CYP24A1: variants seen among roughly 807,000 people sequenced by gnomAD.
CYP24A1 encodes cytochrome P450 family 24 subfamily A member 1, also known as 1,25-dihydroxyvitamin D(3) 24-hydroxylase, mitochondrial.
CYP24A1 carries 68 observed loss-of-function variants against 62.4 expected under a neutral mutation model. The ratio of observed to expected loss-of-function variants is 1.09; its 90% CI spans 0.90 to 1.33. The LOEUF (loss-of-function observed/expected upper bound fraction) is 1.33, where lower values mean the gene tolerates loss of function less well. Among genes scored for constraint, CYP24A1 ranks in the 40% most tolerant of loss-of-function variants. The pLI is 0.00. For synonymous variants in CYP24A1, 267 were observed against 253.0 expected (o/e 1.06, Z -0.52); for missense variants, 787 against 653.0 (o/e 1.21, Z -2.24).
At chr20:54,169,223 C>T (rs1427107263) in intron 4 of CYP24A1, among the ~76,000 whole-genome samples, 2 of 152,074 alleles carry the variant, frequency 1.3e-5, no homozygotes. Context: ...TTCTTAACTC[C>T]CTTTCTCTTT....
chr20:54,172,919 G>T lies in CYP24A1; in HGVS notation c.439C>A (p.Leu147Met). 1.2e-6 allele frequency: 2 copies of T among 1,613,730 alleles called. No homozygotes were observed. Among genetic ancestry groups the T allele is most frequent in the Non-Finnish European group, 8.5e-7 (1 of 1,180,028 alleles). Residue 147 changes from leucine (L) to methionine (M), a missense_variant, in exon 2 of 12, where the codon CTG becomes ATG. Coordinates refer to ENST00000216862, the MANE Select transcript of CYP24A1 (RefSeq NM_000782.5). ...TCGGATTGGACTCACAGGATCAGCA[G>T]CCCGTAGCCTTCTTTGCGGTAGTCG... ...YRDYRKEGYG[L>M]LILEGEDWQR...
At chr20:54,161,622 C>T (rs906083685) in intron 7 of CYP24A1, among the ~76,000 whole-genome samples, 9 of 151,800 alleles carry the variant, frequency 5.9e-5, no homozygotes, top group African/African-American at 2.2e-4. Context: ...CCTGGAAACA[C>T]AGCAGTGGAC....
At chr20:54,157,066 G>A in intron 11 of CYP24A1, 103 bp downstream of exon 11, 4 of 705,534 alleles carry the variant, frequency 5.7e-6, no homozygotes, top group South Asian at 4.5e-5. Flanking sequence ...CAAGTTAGAG[G>A]TGAGCTGGGA....
Position 54,173,431 on chromosome 20 carries a change from CCACCAGCTGTCAGCGGGCAGACTGG to C in CYP24A1, c.124_148del (p.Pro42AlafsTer50). 6.4e-7 allele frequency: 1 copy of C among 1,571,134 alleles called. No individual in the cohort carries two copies. Among genetic ancestry groups the C allele is most frequent in the Non-Finnish European group, 8.6e-7 (1 of 1,157,648 alleles). The stretch of plus-strand genomic sequence containing the variant: ...CAGGGCGGCCGCGTTCTGAGTCTCG[CCACCAGCTGTCAGCGGGCAGACTGG>C]CACCTCTCGCGGCTGAGGGGACGTG... On this transcript the variant is annotated frameshift_variant, in exon 1 of 12. Transcript: ENST00000216862. LOFTEE classifies it high-confidence loss of function. This position sits in a 1 kb window ranked among gnomAD's most constrained non-coding sequence, Gnocchi z 7.2.
At chr20:54,169,407 A>G (rs2092685928) in intron 4 of CYP24A1, among the ~76,000 whole-genome samples, 185 bp downstream of exon 4, 1 of 152,160 alleles carries the variant, frequency 6.6e-6, no homozygotes, top group Non-Finnish European at 1.5e-5. Context: ...TGTTTGTTGT[A>G]TGACTCATTA....
rs2296240 is a variant in CYP24A1, at chr20:54,159,189, A to G, written c.991-66T>C. 320,212 of 1,298,908 alleles carry G rather than the reference A, an allele frequency of 0.25. 44,418 individuals are homozygous for G. Among genetic ancestry groups the G allele is most frequent in the East Asian group, 0.59 (25,660 of 43,292 alleles). 80.5% of individuals were successfully genotyped at this position (1,298,908 alleles called of 1,614,324 possible). On this transcript the variant is annotated intron_variant, in intron 7 of 11. Transcript: ENST00000216862. ...ACTGCATTAAACCACTATTAGCTGA[A>G]AAAAAGGTGATGCCCACCACCTTAT...
At chr20:54,151,372 C>A (rs2092612155), downstream of CYP24A1, among the ~76,000 whole-genome samples, 1 of 151,932 alleles carries the variant, frequency 6.6e-6, no homozygotes, top group Non-Finnish European at 1.5e-5. Flanking sequence ...GGAGAATCAC[C>A]AGGACAATTA....
At position 54,169,679 on chromosome 20, in the gene CYP24A1, C is replaced by T. The variant is rs1310649468; in HGVS notation, c.553G>A (p.Asp185Asn). ...AGCTCATCTATTCTGCCCATAAAAT[C>T]GGCCAAGACCTTCAAAGAAAACAAC... ...LDNKINEVLA[D>N]FMGRIDELCD... is the part of the protein sequence containing the mutation. Residue 185 changes from aspartate to asparagine, a missense_variant, in exon 4 of 12, where the codon GAT becomes AAT. Asp to Asn is a conservative substitution (Grantham distance 23). Coordinates refer to ENST00000216862, the MANE Select transcript of CYP24A1 (RefSeq NM_000782.5). 5 of 1,614,096 alleles carry T rather than the reference C, an allele frequency of 3.1e-6. No homozygotes were observed. Among genetic ancestry groups the T allele is most frequent in the East Asian group, 2.2e-5 (1 of 44,888 alleles).
rs981553493 is a variant in CYP24A1, at chr20:54,153,792, C to A, written c.*980G>T. The A allele has an allele frequency of 6.6e-6, 1 of 152,604 alleles. No homozygotes were observed. Among genetic ancestry groups the A allele is most frequent in the African/African-American group, 2.4e-5 (1 of 41,432 alleles). 9.5% of individuals were successfully genotyped at this position (152,604 alleles called of 1,614,324 possible). On this transcript the variant is annotated 3_prime_UTR_variant, in exon 12 of 12. Coordinates refer to ENST00000216862, the MANE Select transcript of CYP24A1 (RefSeq NM_000782.5). Reference sequence around the variant, plus strand: ...TCTGTGCATTTTACATTTATGAAATCATATTTTTCCTAGGAGTTCAAATCA... The same window carrying A: ...TCTGTGCATTTTACATTTATGAAATAATATTTTTCCTAGGAGTTCAAATCA...
rs1568965407 is a variant in CYP24A1 at position 54,157,308 on chromosome 20, C to G, written c.1435-19G>C. ...GGACAATCTGTAATGCACACGCACA[C>G]AAAAACAGAATTACCCCTCTCTTCT... On this transcript the variant is annotated intron_variant, in intron 10 of 11. Transcript: ENST00000216862. The G allele has an allele frequency of 3.3e-6, 5 of 1,524,062 alleles. No homozygotes were observed. Among genetic ancestry groups the G allele is most frequent in the Non-Finnish European group, 4.6e-6 (5 of 1,098,042 alleles). 94.4% of individuals were successfully genotyped at this position (1,524,062 alleles called of 1,614,324 possible).
At chr20:54,165,580 A>T (rs2092668690) in intron 5 of CYP24A1, among the ~76,000 whole-genome samples, 162 bp downstream of exon 5, 1 of 152,246 alleles carries the variant, frequency 6.6e-6, no homozygotes, top group Non-Finnish European at 1.5e-5. Flanking sequence ...GCATATATGC[A>T]CATAAATATA....
chr20:54,164,326 C>A, intron 6 of CYP24A1, 126 bp downstream of exon 6: 1 of 1,564,370 alleles, frequency 6.4e-7, no homozygotes, highest in Non-Finnish European at 8.7e-7. Flanking sequence ...ATCCCCAAAA[C>A]ACCTGTGTTT....
In CYP24A1 at chr20:54,173,348, C is replaced by A; in HGVS notation, c.232G>T (p.Gly78Cys). ...GSLLQILWKGGLKKQHDTLVE... is the reference protein window; with the variant it reads ...GSLLQILWKGCLKKQHDTLVE... ...AGGGTGTCGTGCTGTTTCTTGAGAC[C>A]CCCTTTCCAGAGAATCTGCAGCAGG... The change falls in exon 1 of 12, where the codon GGT becomes TGT. Residue 78 changes from glycine to cysteine, a missense_variant. Coordinates refer to ENST00000216862, the MANE Select transcript of CYP24A1 (RefSeq NM_000782.5). The surrounding 1 kb of genome is among the most constrained non-coding windows in gnomAD (Gnocchi z 7.2). 1 of 1,607,374 alleles carries A rather than the reference C, an allele frequency of 6.2e-7. No homozygotes were observed. The highest frequency in any genetic ancestry group is 8.5e-7 in the Non-Finnish European group (1 of 1,176,234).
intron 2 of CYP24A1, 145 bp downstream of exon 2, chr20:54,172,764 T>G (rs2092698208): frequency 6.6e-7 from 1 of 1,521,386 alleles, no homozygotes; most frequent in Admixed American, 2.0e-5. Context: ...AGGGTTGCGA[T>G]GGCACGGGAG....
At position 54,164,661 on chromosome 20, in the gene CYP24A1, A is replaced by T; in HGVS notation, c.733-98T>A. On this transcript the variant is annotated intron_variant, in intron 5 of 11. Coordinates refer to ENST00000216862, the MANE Select transcript of CYP24A1 (RefSeq NM_000782.5). ...AACATTCTAAACCGCAGCACCCTGCACTTTTTAAAAGGCTGGAATTACAAG... is the reference window on the plus strand; with the variant it reads ...AACATTCTAAACCGCAGCACCCTGCTCTTTTTAAAAGGCTGGAATTACAAG... The T allele has an allele frequency of 4.4e-6, 7 of 1,601,280 alleles. 1 individual carries two copies. The South Asian group carries it at 7.8e-5, about 18-fold the overall frequency.
Position 54,173,546 on chromosome 20 carries a change from C to T in CYP24A1, c.34G>A (p.Ala12Thr). ...CTGCGCAGCTGCTGCAGGAAGGCGG[C>T]AAGCGAGCGGCTCTTGCTGATGGGG... ...SSPISKSRSLAAFLQQLRSPR... is the reference protein window; with the variant it reads ...SSPISKSRSLTAFLQQLRSPR... The change falls in exon 1 of 12, where the codon GCC becomes ACC. Residue 12 changes from alanine to threonine, a missense_variant. Physicochemically the swap from Ala to Thr is moderately conservative, Grantham distance 58 (BLOSUM62 0). Coordinates refer to ENST00000216862, the MANE Select transcript of CYP24A1 (RefSeq NM_000782.5). This position sits in a 1 kb window ranked among gnomAD's most constrained non-coding sequence, Gnocchi z 7.2. The T allele has an allele frequency of 6.3e-7, 1 of 1,581,750 alleles. No homozygotes were observed. Among genetic ancestry groups the T allele is most frequent in the Non-Finnish European group, 8.6e-7 (1 of 1,167,580 alleles).
intron 6 of CYP24A1, among the ~76,000 whole-genome samples, chr20:54,164,093 G>A (rs1390318060): frequency 1.3e-5 from 2 of 151,974 alleles, no homozygotes; most frequent in Non-Finnish European, 2.9e-5. Flanking sequence ...CCACCACCAC[G>A]CCCAGCTAAT....
At chr20:54,156,875 C>T (rs570568016) in intron 11 of CYP24A1, among the ~76,000 whole-genome samples, 1 of 152,162 alleles carries the variant, frequency 6.6e-6, no homozygotes, top group Non-Finnish European at 1.5e-5. Context: ...CCTTACTATT[C>T]ACATGCAAAA....
At chr20:54,150,154 C>T (rs1347663639), downstream of CYP24A1, among the ~76,000 whole-genome samples, 1 of 152,060 alleles carries the variant, frequency 6.6e-6, no homozygotes, top group Non-Finnish European at 1.5e-5. Flanking sequence ...AGGGATGAAA[C>T]TATGTGTTTA....
Sources: allele counts gnomAD v4.1 joint callset (sites outside exome capture counted in the v4.1 genomes callset), GRCh38; gene constraint gnomAD v4.1.1; non-coding constraint Gnocchi (gnomAD v3.1); transcripts MANE v1.5; gene names NCBI Gene and HGNC (gene_info 2026-07-23, HGNC 2026-07-21).